The following KIF21A variants were observed in gnomAD, a reference collection of about 807,000 sequenced individuals.
The protein encoded by KIF21A is kinesin family member 21A, also known as kinesin-like protein KIF21A.
Under a neutral mutation model 202.9 loss-of-function variants are expected in KIF21A, and 114 were observed. The observed-to-expected ratio is 0.56, with a 90% CI of 0.48 to 0.66. The LOEUF (loss-of-function observed/expected upper bound fraction) is 0.66. Among genes scored for constraint, KIF21A ranks in the 30% least tolerant of loss-of-function variants. The pLI, the probability that KIF21A is intolerant of heterozygous loss-of-function variation, is 0.00. For missense variants in KIF21A, 1,677 were observed against 1,994.9 expected, an observed-to-expected ratio of 0.84 and a Z score of 3.04; for synonymous variants, 667 against 670.8, an observed-to-expected ratio of 0.99 and a Z score of 0.09.
chr12:39,325,004 A>G (rs1353562991), intron 26 of KIF21A, among the ~76,000 whole-genome samples: 1 of 152,194 alleles, frequency 6.6e-6, no homozygotes, highest in African/African-American at 2.4e-5. Flanking sequence ...TAGCTATCTC[A>G]CACATTTAAC....
chr12:39,309,836 A>T (rs1051136194), intron 32 of KIF21A, 70 bp from the exon 33 acceptor site: 51 of 1,237,136 alleles, frequency 4.1e-5, no homozygotes, highest in Admixed American at 1.0e-4. Context: ...TAACAATAAA[A>T]ATTATTTAAA....
intron 26 of KIF21A, among the ~76,000 whole-genome samples, chr12:39,323,768 T>C (rs1047503790): frequency 3.3e-5 from 5 of 152,154 alleles, no homozygotes; most frequent in African/African-American, 1.2e-4. Flanking sequence ...TACATACAAA[T>C]TTAAAATATA....
intron 1 of KIF21A, among the ~76,000 whole-genome samples, chr12:39,376,224 T>C (rs1592415158): frequency 6.6e-6 from 1 of 152,208 alleles, no homozygotes; most frequent in Non-Finnish European, 1.5e-5. Context: ...TATACACACA[T>C]ACATTGTTAT....
chr12:39,365,117 A>C (rs771961212), intron 6 of KIF21A, among the ~76,000 whole-genome samples: 1 of 152,306 alleles, frequency 6.6e-6, no homozygotes, highest in East Asian at 1.9e-4. Context: ...AGCAAGAAGA[A>C]TCCACTTAGA....
intron 1 of KIF21A, among the ~76,000 whole-genome samples, chr12:39,382,333 A>C (rs1483234756): frequency 2.0e-5 from 3 of 152,180 alleles, no homozygotes; most frequent in Non-Finnish European, 4.4e-5. Context: ...GCCATAGAAA[A>C]AATTCCTGCA....
chr12:39,373,670 G>A (rs1205205630), intron 1 of KIF21A, among the ~76,000 whole-genome samples: 1 of 152,102 alleles, frequency 6.6e-6, no homozygotes, highest in Non-Finnish European at 1.5e-5. Context: ...AATTTATTTG[G>A]CTATTAAGAT....
chr12:39,392,402 G>T (rs1166755129), intron 1 of KIF21A, among the ~76,000 whole-genome samples: 1 of 152,072 alleles, frequency 6.6e-6, no homozygotes, highest in Non-Finnish European at 1.5e-5. Context: ...AGTCCTACCA[G>T]GCTGCAGTGA....
chr12:39,401,376 A>C (rs1567739), intron 1 of KIF21A, among the ~76,000 whole-genome samples: 51,073 of 152,034 alleles, frequency 0.34, 10,757 homozygotes, highest in African/African-American at 0.6. Context: ...GAAAATGGAG[A>C]AGTAAGGAAA....
Position 39,332,591 on chromosome 12 carries a change from C to A in KIF21A, c.2856G>T (p.Lys952Asn). 6.2e-7 allele frequency: 1 copy of A among 1,612,338 alleles called. No individual in the cohort carries two copies. Among genetic ancestry groups the A allele is most frequent in the Non-Finnish European group, 8.5e-7 (1 of 1,179,482 alleles). The change falls in exon 20 of 38, where the codon AAG becomes AAT. Residue 952 changes from lysine (K) to asparagine (N), a missense_variant and splice_region_variant. Physicochemically the swap from Lys to Asn is moderately conservative, Grantham distance 94. Coordinates refer to ENST00000361418, the MANE Select transcript of KIF21A (RefSeq NM_001173464.2). ...CGTATCTACTCTCTATTTTCCACAC[C>A]TTGAGGAGTCTATTCATATCTGCCT... ...NMEADMNRLL[K>N]QREELTKRRE...
chr12:39,338,152 G>A (rs1013964010), intron 16 of KIF21A, among the ~76,000 whole-genome samples: 6 of 152,156 alleles, frequency 3.9e-5, no homozygotes, highest in African/African-American at 1.2e-4. Context: ...GAGACAAGAT[G>A]GGGAGGTGAA....
At chr12:39,421,916 G>C (rs1954324698) in intron 1 of KIF21A, among the ~76,000 whole-genome samples, 1 of 149,994 alleles carries the variant, frequency 6.7e-6, no homozygotes. Flanking sequence ...AAATTTATCT[G>C]AGTGGTAAAA....
intron 1 of KIF21A, among the ~76,000 whole-genome samples, chr12:39,423,283 A>G (rs1954455993): frequency 6.6e-6 from 1 of 151,934 alleles, no homozygotes; most frequent in African/African-American, 2.4e-5. Flanking sequence ...TCCCTAATGT[A>G]GTTTCCAGTA....
chr12:39,342,056 C>G lies in KIF21A; in HGVS notation c.1781G>C (p.Arg594Thr). 2 of 1,610,256 alleles carry G rather than the reference C, an allele frequency of 1.2e-6. No individual in the cohort carries two copies. The highest frequency in any genetic ancestry group is 1.7e-6 in the Non-Finnish European group (2 of 1,176,878). Residue 594 changes from arginine to threonine, a missense_variant, in exon 13 of 38, where the codon AGA (arginine) becomes ACA (threonine). By Grantham distance (71) the Arg-to-Thr change is moderately conservative. Coordinates refer to ENST00000361418, the MANE Select transcript of KIF21A (RefSeq NM_001173464.2). ...TACCACTTCTAATTCATTGTTTTCT[C>G]TTTCCGAAACACCCTTTTCTTCTTT... is the stretch of plus-strand genomic sequence containing the variant. ...EKKEEKGVSERENNELEVEES... is the reference protein window; with the variant it reads ...EKKEEKGVSETENNELEVEES...
intron 1 of KIF21A, among the ~76,000 whole-genome samples, chr12:39,391,731 T>TTCGTTG (rs1951364318): frequency 7.2e-6 from 1 of 139,644 alleles, no homozygotes; most frequent in South Asian, 2.2e-4. Flanking sequence ...GACTGCAATT[T>TTCGTTG]TCGTTGTTGT....
intron 1 of KIF21A, among the ~76,000 whole-genome samples, chr12:39,417,757 C>T (rs1291838664): frequency 1.3e-5 from 2 of 151,760 alleles, no homozygotes; most frequent in Non-Finnish European, 2.9e-5. Context: ...TGAACTAGGG[C>T]AGCAACAAAG....
At chr12:39,298,830 G>A (rs1188607557) in intron 37 of KIF21A, among the ~76,000 whole-genome samples, 1 of 152,072 alleles carries the variant, frequency 6.6e-6, no homozygotes, top group Non-Finnish European at 1.5e-5. Flanking sequence ...CAGGTATGAT[G>A]AAATTATCTA....
intron 29 of KIF21A, among the ~76,000 whole-genome samples, chr12:39,316,725 G>T (rs1944586192): frequency 6.6e-6 from 1 of 152,164 alleles, no homozygotes; most frequent in Non-Finnish European, 1.5e-5. Context: ...CTTGCTAGTG[G>T]GATATGGTTG....
rs879707171 is a variant in KIF21A, at chr12:39,297,731, T to TA, written c.4932-3215dup. Among the ~76,000 whole-genome samples the TA allele has an allele frequency of 7.8e-3, 1,103 of 141,536 alleles. 11 individuals carry two copies. The highest frequency in any genetic ancestry group is 0.021 in the African/African-American group (803 of 38,608). The allele number at this position is 141,536 out of a possible 152,430, so 92.9% of individuals were successfully genotyped here. The stretch of plus-strand genomic sequence containing the variant: ...TGCACATGTACCCTAAAACTTAAAT[T>TA]AAAAAAAAAAAGTTTAATAGAGCTA... On this transcript the variant is annotated intron_variant, in intron 37 of 37. Coordinates refer to ENST00000361418, the MANE Select transcript of KIF21A (RefSeq NM_001173464.2).
chr12:39,358,946 A>C (rs938947023), intron 7 of KIF21A, among the ~76,000 whole-genome samples: 3 of 152,194 alleles, frequency 2.0e-5, no homozygotes, highest in Non-Finnish European at 2.9e-5. Context: ...GTCATGATAA[A>C]TTGATTTAGC....
Sources: gnomAD v4.1 joint callset for allele counts (sites outside exome capture counted in the v4.1 genomes callset) on GRCh38, gnomAD v4.1.1 for gene constraint, MANE v1.5 for transcripts, NCBI Gene and HGNC (gene_info 2026-07-23, HGNC 2026-07-21) for gene names.